PCDH15: variants seen among roughly 807,000 people sequenced by gnomAD.
The protein encoded by PCDH15 is protocadherin related 15.
PCDH15 carries 129 observed loss-of-function variants against 178.5 expected under a neutral mutation model. That is an observed-to-expected ratio of 0.72 (90% CI 0.63 to 0.84). PCDH15 has a LOEUF of 0.84. Ranked by LOEUF, PCDH15 falls within the 40% of genes least tolerant of loss-of-function variation. PCDH15 has a pLI of 0.00. For synonymous variants in PCDH15, 800 were observed against 732.0 expected (o/e 1.09, Z -1.50); for missense variants, 2,230 against 2,099.9 (o/e 1.06, Z -1.21).
intron 2 of PCDH15, among the ~76,000 whole-genome samples, chr10:54,530,425 G>A (rs1589923605): frequency 1.3e-5 from 2 of 152,090 alleles, no homozygotes; most frequent in South Asian, 4.1e-4. Context: ...TGCCCCATTG[G>A]CACAATACTA....
intron 14 of PCDH15, among the ~76,000 whole-genome samples, chr10:54,139,301 TAAA>T (rs147978777): frequency 1.3e-5 from 2 of 148,820 alleles, no homozygotes; most frequent in African/African-American, 4.9e-5. Flanking sequence ...CATCAGCTAT[TAAA>T]AAAAAAAGTA....
At chr10:55,055,605 C>T (rs1297712854) in intron 2 of PCDH15, among the ~76,000 whole-genome samples, 1 of 152,000 alleles carries the variant, frequency 6.6e-6, no homozygotes, top group Admixed American at 6.6e-5. Flanking sequence ...GATTTCGGGA[C>T]CAATCTGGAC....
chr10:53,994,493 T>A (rs1481247499), intron 21 of PCDH15: 1 of 152,152 alleles, frequency 6.6e-6, no homozygotes, highest in African/African-American at 2.4e-5. Context: ...TAAAAACACA[T>A]ATGTTGAATA....
intron 8 of PCDH15, among the ~76,000 whole-genome samples, chr10:54,259,663 A>T (rs1296792062): frequency 2.0e-5 from 3 of 152,188 alleles, no homozygotes; most frequent in African/African-American, 4.8e-5. Context: ...AGCAGCAAAA[A>T]CTAGGGCATT....
At chr10:55,000,176 G>T (rs986303828) in intron 2 of PCDH15, among the ~76,000 whole-genome samples, 1 of 152,176 alleles carries the variant, frequency 6.6e-6, no homozygotes, top group East Asian at 1.9e-4. Context: ...TAATAAGCCT[G>T]GGAGCGCTAT....
chr10:55,522,194 C>A (rs761772263), intron 2 of PCDH15, among the ~76,000 whole-genome samples: 14 of 151,822 alleles, frequency 9.2e-5, no homozygotes, highest in Non-Finnish European at 1.3e-4. Flanking sequence ...TCTCTGCAAA[C>A]CTTTGCAAAC....
At chr10:54,084,624 T>C (rs889557971) in intron 16 of PCDH15, among the ~76,000 whole-genome samples, 1 of 152,006 alleles carries the variant, frequency 6.6e-6, no homozygotes, top group Admixed American at 6.6e-5. Flanking sequence ...ATGATGTAAA[T>C]AGAAAGTAGC....
intron 1 of PCDH15, among the ~76,000 whole-genome samples, chr10:54,685,451 G>T (rs1446531176): frequency 1.3e-5 from 2 of 152,120 alleles, no homozygotes; most frequent in South Asian, 4.1e-4. Flanking sequence ...CACCACAAAC[G>T]TGTGAGTAAT....
At chr10:54,129,684 G>A (rs2042266737) in intron 15 of PCDH15, among the ~76,000 whole-genome samples, 1 of 152,132 alleles carries the variant, frequency 6.6e-6, no homozygotes, top group South Asian at 2.1e-4. Flanking sequence ...CTCCCTGGCG[G>A]TAAACAGGGG....
chr10:54,303,027 A>G (rs2060238002), intron 8 of PCDH15, among the ~76,000 whole-genome samples: 1 of 152,178 alleles, frequency 6.6e-6, no homozygotes, highest in African/African-American at 2.4e-5. Flanking sequence ...TCTGGATAAT[A>G]AGAAAAATAG....
chr10:54,368,399 G>A (rs1322136078), intron 5 of PCDH15, among the ~76,000 whole-genome samples: 1 of 151,598 alleles, frequency 6.6e-6, no homozygotes, highest in Non-Finnish European at 1.5e-5. Context: ...TTTTTCATGT[G>A]TCTAACATAC....
chr10:54,383,265 T>A (rs1451328968), intron 3 of PCDH15, among the ~76,000 whole-genome samples: 1 of 151,326 alleles, frequency 6.6e-6, no homozygotes, highest in African/African-American at 2.4e-5. Flanking sequence ...TGTATGCATA[T>A]GTAAAATATA....
At chr10:54,606,994 C>A (rs1245532823) in intron 2 of PCDH15, 1 of 151,948 alleles carries the variant, frequency 6.6e-6, no homozygotes, top group Non-Finnish European at 1.5e-5. Context: ...TGGTGAGTGG[C>A]TGCAAATACA....
chr10:54,818,962 T>C (rs1463984329), intron 3 of PCDH15, among the ~76,000 whole-genome samples: 1 of 152,060 alleles, frequency 6.6e-6, no homozygotes, highest in South Asian at 2.1e-4. Context: ...CGTCATTTTG[T>C]TGTGCAGACT....
chr10:54,016,611 T>G (rs1002622598), intron 20 of PCDH15, among the ~76,000 whole-genome samples: 4 of 152,210 alleles, frequency 2.6e-5, no homozygotes, highest in African/African-American at 9.7e-5. Context: ...GCCATTATCC[T>G]AACTGAACTA....
chr10:54,640,543 T>C (rs979691026), intron 2 of PCDH15, among the ~76,000 whole-genome samples: 1 of 152,046 alleles, frequency 6.6e-6, no homozygotes, highest in African/African-American at 2.4e-5. Context: ...CTAAGTGATG[T>C]CACCCTGCGT....
chr10:54,220,020 A>G (rs893116383), intron 9 of PCDH15, among the ~76,000 whole-genome samples: 4 of 152,170 alleles, frequency 2.6e-5, no homozygotes, highest in African/African-American at 4.8e-5. Context: ...CTTATTTTAT[A>G]TATTTTTAAA....
chr10:53,955,536 G>T (rs2593144), intron 23 of PCDH15, among the ~76,000 whole-genome samples: 2,172 of 152,140 alleles, frequency 0.014, 49 homozygotes, highest in African/African-American at 0.049. Context: ...TTTTCCTATG[G>T]AATTCAAACA....
At chr10:54,996,782 T>C (rs185042071) in intron 2 of PCDH15, among the ~76,000 whole-genome samples, 4 of 152,056 alleles carry the variant, frequency 2.6e-5, no homozygotes, top group Admixed American at 2.0e-4. Flanking sequence ...TTGGCCCGAG[T>C]GTTCTTTGGA....
Sources: allele counts gnomAD v4.1 joint callset (sites outside exome capture counted in the v4.1 genomes callset), GRCh38; gene constraint gnomAD v4.1.1; transcripts MANE v1.5; gene names NCBI Gene and HGNC (gene_info 2026-07-23, HGNC 2026-07-21).